Variants in GADL1 observed in about 807,000 individuals in gnomAD.
GADL1 encodes the protein acidic amino acid decarboxylase GADL1.
In GADL1, 71 loss-of-function variants were observed where a neutral mutation model predicts 69.5. The observed-to-expected ratio is 1.02, with a 90% CI of 0.84 to 1.25. GADL1 has a LOEUF of 1.25. Ranked by LOEUF, GADL1 falls within the 50% of genes most tolerant of loss-of-function variation. The pLI is 0.00. For synonymous variants in GADL1, 254 were observed against 214.4 expected, an observed-to-expected ratio of 1.18 and a Z score of -1.62; for missense variants, 737 against 631.8, an observed-to-expected ratio of 1.17 and a Z score of -1.79.
Position 30,801,041 on chromosome 3 carries a change from C to T in GADL1, c.1098G>A (p.Gln366=). ...AGCTCACATCATAGAATTTATCCTGCTGGAAGAGGTAAGATGCCTTGGCAG... is the reference window on the plus strand; with the variant it reads ...AGCTCACATCATAGAATTTATCCTGTTGGAAGAGGTAAGATGCCTTGGCAG... The part of the protein sequence containing the change: ...CYSAKASYLF[Q]QDKFYDVSYD... The change falls in exon 12 of 15, where the codon CAG becomes CAA. Residue 366 remains glutamine, a synonymous_variant. Coordinates refer to ENST00000282538, the MANE Select transcript of GADL1 (RefSeq NM_207359.3). 6.2e-7 allele frequency: 1 copy of T among 1,613,946 alleles called. No homozygotes were observed.
rs553090209 is a variant in GADL1 at position 30,893,050 on chromosome 3, T to C, written c.37+1528A>G. Among the ~76,000 whole-genome samples, 116 of 152,284 alleles carry C rather than the reference T, an allele frequency of 7.6e-4. 1 individual carries two copies. The South Asian group carries it at 0.023, about 30-fold the overall frequency. On this transcript the variant is annotated intron_variant, in intron 1 of 14. Transcript: ENST00000282538. Reference sequence around the variant, plus strand: ...TTTGTATTTTTAGTAGAGATGGGGTTTCACCATGTTGGCCAGGCTGGTCTC... The same window carrying C: ...TTTGTATTTTTAGTAGAGATGGGGTCTCACCATGTTGGCCAGGCTGGTCTC...
intron 1 of GADL1, among the ~76,000 whole-genome samples, chr3:30,886,823 T>C (rs1698717279): frequency 1.3e-5 from 2 of 152,186 alleles, no homozygotes; most frequent in South Asian, 4.1e-4. Context: ...AGATAGACAG[T>C]GGACAAAACC....
At chr3:30,789,116 A>G (rs1190436474) in intron 12 of GADL1, among the ~76,000 whole-genome samples, 1 of 152,200 alleles carries the variant, frequency 6.6e-6, no homozygotes, top group Non-Finnish European at 1.5e-5. Context: ...CACTGATATC[A>G]CGGCTATAGC....
At position 30,778,466 on chromosome 3, in the gene GADL1, A is replaced by G. The variant is rs1696589309; in HGVS notation, c.1303-198T>C. Among the ~76,000 whole-genome samples, 3 of 152,140 alleles carry G rather than the reference A, an allele frequency of 2.0e-5. No homozygotes were observed. The South Asian group carries it at 6.2e-4, about 32-fold the overall frequency. On this transcript the variant is annotated intron_variant, in intron 13 of 14. Coordinates refer to ENST00000282538, the MANE Select transcript of GADL1 (RefSeq NM_207359.3). ...AAAAATTTTCTACTCCATAGCGTGC[A>G]CCTAGCAGGTTCTCTTTCATCTTAA...
chr3:30,889,407 G>C (rs1698756284), intron 1 of GADL1, among the ~76,000 whole-genome samples: 1 of 152,158 alleles, frequency 6.6e-6, no homozygotes, highest in African/African-American at 2.4e-5. Flanking sequence ...ATATTCAATG[G>C]TGGCCACCTT....
At chr3:30,729,218 C>T (rs1695417462) in intron 14 of GADL1, among the ~76,000 whole-genome samples, 1 of 152,250 alleles carries the variant, frequency 6.6e-6, no homozygotes, top group South Asian at 2.1e-4. Context: ...ATGGGAAAAT[C>T]AGTCCATTTT....
chr3:30,894,516 G>C, intron 1 of GADL1, 62 bp downstream of exon 1: 1 of 1,370,076 alleles, frequency 7.3e-7, no homozygotes, highest in South Asian at 1.3e-5. Context: ...TCAAAAATAA[G>C]GAGATTAAAA....
chr3:30,862,653 C>G (rs1698338509), intron 1 of GADL1, among the ~76,000 whole-genome samples: 1 of 151,982 alleles, frequency 6.6e-6, no homozygotes, highest in Admixed American at 6.6e-5. Flanking sequence ...GAAGATCCAT[C>G]TTGTATTGGA....
At chr3:30,751,381 C>T (rs1047343619) in intron 14 of GADL1, among the ~76,000 whole-genome samples, 9 of 151,970 alleles carry the variant, frequency 5.9e-5, no homozygotes, top group African/African-American at 1.9e-4. Flanking sequence ...GTTGTCTTCG[C>T]TCAGTCTGTG....
chr3:30,801,238 A>C (rs1697159253), intron 11 of GADL1, 150 bp from the exon 12 acceptor site: 1 of 632,074 alleles, frequency 1.6e-6, no homozygotes, highest in African/African-American at 1.8e-5. Flanking sequence ...CAATCAGTGT[A>C]CATTGACTTT....
chr3:30,754,308 CTA>C (rs1362801312), intron 14 of GADL1, among the ~76,000 whole-genome samples: 8 of 152,126 alleles, frequency 5.3e-5, no homozygotes, highest in Admixed American at 3.3e-4. Context: ...GGGGAACAAA[CTA>C]TAATTCTGTC....
At position 30,891,651 on chromosome 3, in the gene GADL1, TA is replaced by T. The variant is rs11462622; in HGVS notation, c.37+2926del. Among the ~76,000 whole-genome samples the T allele has an allele frequency of 0.014, 2,065 of 144,530 alleles. 100 individuals carry two copies. In the East Asian group the frequency reaches 0.17, roughly 12 times the overall value. The allele number at this position is 144,530 out of a possible 152,430, so 94.8% of individuals were successfully genotyped here. On this transcript the variant is annotated intron_variant, in intron 1 of 14. Coordinates refer to ENST00000282538, the MANE Select transcript of GADL1 (RefSeq NM_207359.3). ...TCTCCAAGACTTGGTTTCCTTAAAA[TA>T]AAAAAAAAAATAAAAAGCAGATCAT...
intron 14 of GADL1, among the ~76,000 whole-genome samples, chr3:30,749,782 G>T (rs2125476724): frequency 6.6e-6 from 1 of 152,328 alleles, no homozygotes; most frequent in Non-Finnish European, 1.5e-5. Flanking sequence ...GCTGACACGA[G>T]CTCCCGAGGC....
chr3:30,762,440 TCA>T lies in GADL1; in HGVS notation c.1392+15737_1392+15738del, dbSNP rs1015755805. Among the ~76,000 whole-genome samples the T allele has an allele frequency of 1.2e-4, 18 of 152,178 alleles. 1 individual carries two copies. The highest frequency in any genetic ancestry group is 4.3e-4 in the African/African-American group (18 of 41,440). ...AACTCATGTACTTCAACAAACAACT[TCA>T]AAGTCAGATTAGAAACTTAACATTT... On this transcript the variant is annotated intron_variant, in intron 14 of 14. Transcript: ENST00000282538.
chr3:30,751,754 C>T (rs1695824811), intron 14 of GADL1, among the ~76,000 whole-genome samples: 1 of 152,158 alleles, frequency 6.6e-6, no homozygotes, highest in Non-Finnish European at 1.5e-5. Context: ...TTCTGCTGCG[C>T]TGGTGCCCCC....
chr3:30,834,320 A>G (rs780767561), intron 9 of GADL1, 39 bp from the exon 10 acceptor site: 1 of 1,554,944 alleles, frequency 6.4e-7, no homozygotes. Context: ...ATGTTATTTC[A>G]ATGTTATTTG....
chr3:30,843,564 C>A (rs1050454449), intron 8 of GADL1, among the ~76,000 whole-genome samples: 1 of 152,176 alleles, frequency 6.6e-6, no homozygotes, highest in Non-Finnish European at 1.5e-5. Flanking sequence ...CCTAATGACA[C>A]CCCTTTTTAA....
intron 14 of GADL1, among the ~76,000 whole-genome samples, chr3:30,742,644 A>G (rs1695644095): frequency 6.6e-6 from 1 of 152,084 alleles, no homozygotes; most frequent in South Asian, 2.1e-4. Flanking sequence ...TCAGAACATC[A>G]TTAACTCATG....
At chr3:30,852,053 T>G (rs1407513688) in intron 4 of GADL1, among the ~76,000 whole-genome samples, 1 of 152,192 alleles carries the variant, frequency 6.6e-6, no homozygotes. Flanking sequence ...ATATGTAAGT[T>G]AAGCAGACAC....
Sources: gnomAD v4.1 joint callset for allele counts (sites outside exome capture counted in the v4.1 genomes callset) on GRCh38, gnomAD v4.1.1 for gene constraint, MANE v1.5 for transcripts, NCBI Gene and HGNC (gene_info 2026-07-23, HGNC 2026-07-21) for gene names.